The following FIP1L1 variants were observed in gnomAD, a reference collection of about 807,000 sequenced individuals.
FIP1L1 encodes the protein factor interacting with PAPOLA and CPSF1.
In FIP1L1, 21 loss-of-function variants were observed where a neutral mutation model predicts 84.6. The ratio of observed to expected loss-of-function variants is 0.25; its 90% CI spans 0.18 to 0.36. The LOEUF (loss-of-function observed/expected upper bound fraction) is 0.36, where lower values mean the gene tolerates loss of function less well. Among genes scored for constraint, FIP1L1 ranks in the 10% least tolerant of loss-of-function variants. FIP1L1 has a pLI of 1.00. For synonymous variants in FIP1L1, 263 were observed against 242.3 expected, an observed-to-expected ratio of 1.09 and a Z score of -0.80; for missense variants, 526 against 751.1, an observed-to-expected ratio of 0.70 and a Z score of 3.50.
At chr4:53,405,158 T>TAAA (rs1473869280) in intron 10 of FIP1L1, among the ~76,000 whole-genome samples, 2 of 152,212 alleles carry the variant, frequency 1.3e-5, no homozygotes, top group African/African-American at 4.8e-5. Flanking sequence ...CATTTAAGTC[T>TAAA]TTAATCCATC....
intron 2 of FIP1L1, 48 bp from the exon 3 acceptor site, chr4:53,379,177 T>G: frequency 6.2e-7 from 1 of 1,607,006 alleles, no homozygotes; most frequent in South Asian, 1.1e-5. Context: ...AAGAGTGGTT[T>G]CTTTATTTTG....
chr4:53,403,024 G>A (rs1751091473), intron 10 of FIP1L1, among the ~76,000 whole-genome samples: 1 of 152,172 alleles, frequency 6.6e-6, no homozygotes, highest in Non-Finnish European at 1.5e-5. Context: ...GAGTGAGGCT[G>A]TTGGAAATAA....
intron 8 of FIP1L1, 100 bp from the exon 9 acceptor site, chr4:53,391,326 TCTTA>T: frequency 8.5e-7 from 1 of 1,180,016 alleles, no homozygotes; most frequent in Middle Eastern, 2.5e-4. Context: ...TATCTGATGT[TCTTA>T]CTTTCAAATC....
Position 53,459,575 on chromosome 4 carries a change from CTT to C in FIP1L1, c.*132_*133del. ...TCTGTTTGTTAGTATGAAAAGTTAA[CTT>C]TTTTTCCAAAATAAAAGAGTGAATT... On this transcript the variant is annotated 3_prime_UTR_variant, in exon 18 of 18. Transcript: ENST00000337488. 7.3e-7 allele frequency: 1 copy of C among 1,368,370 alleles called. No homozygotes were observed. Among genetic ancestry groups the C allele is most frequent in the Non-Finnish European group, 1.0e-6 (1 of 986,024 alleles). 84.8% of individuals were successfully genotyped at this position (1,368,370 alleles called of 1,614,324 possible).
intron 10 of FIP1L1, among the ~76,000 whole-genome samples, chr4:53,409,107 T>C (rs1755579422): frequency 6.6e-6 from 1 of 152,192 alleles, no homozygotes; most frequent in South Asian, 2.1e-4. Flanking sequence ...TGCTCTGTTT[T>C]TTCCCCATCT....
chr4:53,430,259 A>T (rs1170955829), intron 13 of FIP1L1, among the ~76,000 whole-genome samples: 3 of 151,960 alleles, frequency 2.0e-5, no homozygotes, highest in Non-Finnish European at 4.4e-5. Flanking sequence ...GAAACTCCGT[A>T]GAATATTGCT....
At chr4:53,452,782 G>T (rs1475164353) in intron 15 of FIP1L1, 138 bp from the exon 16 acceptor site, 1 of 628,144 alleles carries the variant, frequency 1.6e-6, no homozygotes, top group Non-Finnish European at 2.8e-6. Flanking sequence ...GATACTGTGG[G>T]TATTCATTCA....
intron 13 of FIP1L1, among the ~76,000 whole-genome samples, chr4:53,434,884 T>C (rs1768398552): frequency 6.6e-6 from 1 of 152,238 alleles, no homozygotes; most frequent in Non-Finnish European, 1.5e-5. Flanking sequence ...AAGCTTGGCC[T>C]GTATTGGATG....
intron 5 of FIP1L1, among the ~76,000 whole-genome samples, chr4:53,389,028 A>G (rs1742703447): frequency 6.6e-6 from 1 of 152,234 alleles, no homozygotes; most frequent in Non-Finnish European, 1.5e-5. Flanking sequence ...AAATATATAC[A>G]TTCATGTAAC....
rs141770492 is a variant in FIP1L1 at position 53,446,649 on chromosome 4, T to TA, written c.1285+2547dup. On this transcript the variant is annotated intron_variant, in intron 15 of 17. Transcript: ENST00000337488. ...ATGTAAGCATTTGGTGAACATGACT[T>TA]ATTAAAGTTTGATTGTTTTACTATT... is the stretch of plus-strand genomic sequence containing the variant. Among the ~76,000 whole-genome samples the TA allele has an allele frequency of 9.4e-3, 1,437 of 152,306 alleles. 21 individuals are homozygous for TA. The highest frequency in any genetic ancestry group is 0.033 in the African/African-American group (1,372 of 41,580).
At chr4:53,411,429 A>G (rs1211432194) in intron 10 of FIP1L1, among the ~76,000 whole-genome samples, 1 of 152,202 alleles carries the variant, frequency 6.6e-6, no homozygotes, top group East Asian at 1.9e-4. Flanking sequence ...TCTGGATTCC[A>G]TTTGATAAAA....
rs966409703 is a variant in FIP1L1, at chr4:53,399,678, A to G, written c.706-52A>G. The G allele has an allele frequency of 2.6e-6, 3 of 1,135,956 alleles. No individual in the cohort carries two copies. In the African/African-American group the frequency reaches 4.7e-5, roughly 18 times the overall value. 70.4% of individuals were successfully genotyped at this position (1,135,956 alleles called of 1,614,324 possible). ...CTTATTTTAACATCTAAAGTCCATT[A>G]TGTTTGAGTGTTCTGTTAAATTCAA... On this transcript the variant is annotated intron_variant, in intron 9 of 17. Transcript: ENST00000337488.
intron 16 of FIP1L1, among the ~76,000 whole-genome samples, chr4:53,455,827 A>G (rs771268713): frequency 1.3e-5 from 2 of 151,610 alleles, no homozygotes; most frequent in Non-Finnish European, 3.0e-5. Flanking sequence ...ACAAGAAGGA[A>G]CTGATGAGGA....
At chr4:53,458,219 A>G (rs1281354113) in intron 16 of FIP1L1, among the ~76,000 whole-genome samples, 1 of 152,102 alleles carries the variant, frequency 6.6e-6, no homozygotes, top group African/African-American at 2.4e-5. Flanking sequence ...TATAATGTTA[A>G]ACGTATGTCC....
Position 53,460,794 on chromosome 4 carries a change from C to T in FIP1L1, c.*1345C>T. On this transcript the variant is annotated 3_prime_UTR_variant, in exon 18 of 18. Transcript: ENST00000337488. ...CATTAGATGATCATACTTTTCCTGA[C>T]ATTTTTACAATGTATTCTTTCTTTA... The T allele has an allele frequency of 1.8e-6, 2 of 1,098,984 alleles. No homozygotes were observed. Among genetic ancestry groups the T allele is most frequent in the Non-Finnish European group, 2.6e-6 (2 of 768,628 alleles). 68.1% of individuals were successfully genotyped at this position (1,098,984 alleles called of 1,614,324 possible). A position where few individuals can be genotyped will look rare whatever the true frequency, so the allele number is the denominator to read the frequency against.
intron 11 of FIP1L1, among the ~76,000 whole-genome samples, chr4:53,418,301 A>G (rs1339497054): frequency 2.6e-5 from 4 of 152,212 alleles, no homozygotes; most frequent in Non-Finnish European, 4.4e-5. Flanking sequence ...AAATAAATAC[A>G]TAAATAACAG....
chr4:53,425,852 A>AT lies in FIP1L1; in HGVS notation c.924-18dup. ...CATCTAATTAGGTGAAACTGAATTG[A>AT]TTCAATTTTTATGTTACAGGAGATT... On this transcript the variant is annotated intron_variant, in intron 11 of 17. Transcript: ENST00000337488. 6.4e-7 allele frequency: 1 copy of AT among 1,567,426 alleles called. No individual in the cohort carries two copies. The highest frequency in any genetic ancestry group is 8.7e-7 in the Non-Finnish European group (1 of 1,143,240).
intron 11 of FIP1L1, among the ~76,000 whole-genome samples, chr4:53,419,691 G>A (rs1354369895): frequency 2.0e-5 from 3 of 151,860 alleles, no homozygotes; most frequent in Non-Finnish European, 4.4e-5. Context: ...CTCCTGCCTC[G>A]GCCTACTCCC....
At chr4:53,399,641 A>T in intron 9 of FIP1L1, 89 bp from the exon 10 acceptor site, 1 of 814,076 alleles carries the variant, frequency 1.2e-6, no homozygotes, top group Non-Finnish European at 2.0e-6. Context: ...ACTTCAAATT[A>T]AATGTTGTAA....
Sources: allele counts gnomAD v4.1 joint callset (sites outside exome capture counted in the v4.1 genomes callset), GRCh38; gene constraint gnomAD v4.1.1; transcripts MANE v1.5; gene names NCBI Gene and HGNC (gene_info 2026-07-23, HGNC 2026-07-21).